The following FHOD1 variants were observed in gnomAD, a reference collection of about 807,000 sequenced individuals.
FHOD1 encodes the protein FH1/FH2 domain-containing protein 1.
FHOD1 carries 89 observed loss-of-function variants against 111.6 expected under a neutral mutation model. The ratio of observed to expected loss-of-function variants is 0.80; its 90% confidence interval spans 0.67 to 0.95. The LOEUF (loss-of-function observed/expected upper bound fraction) is 0.95, where lower values mean the gene tolerates loss of function less well. FHOD1 is among the 40% of genes least tolerant of loss of function. FHOD1 has a pLI of 0.00. For missense variants in FHOD1, 1,446 were observed against 1,554.2 expected (o/e 0.93, Z 1.17); for synonymous variants, 618 against 639.0 (o/e 0.97, Z 0.50).
chr16:67,247,031 C>G, intron 1 of FHOD1, 179 bp downstream of exon 1: 1 of 686,644 alleles, frequency 1.5e-6, no homozygotes. Context: ...TCAGTTTCCC[C>G]TCAACTTGAG....
chr16:67,242,453 A>G (rs1028209449), intron 1 of FHOD1, among the ~76,000 whole-genome samples: 3 of 152,172 alleles, frequency 2.0e-5, no homozygotes, highest in Admixed American at 6.5e-5. Flanking sequence ...GCAAGCAGCA[A>G]AGAGCAGGAG....
chr16:67,237,243 T>C lies in FHOD1; in HGVS notation c.989A>G (p.Tyr330Cys). 4 of 1,613,354 alleles carry C rather than the reference T, an allele frequency of 2.5e-6. No individual in the cohort carries two copies. Among genetic ancestry groups the C allele is most frequent in the Non-Finnish European group, 3.4e-6 (4 of 1,179,604 alleles). ...AGAGCGTAAGGCCCGGCCCACCTCG[T>C]AGAGCACAAGCTGCGTGCGCAGGTC... ...DVDLRTQLVLYENALKLEDGD... is the reference protein window; with the variant it reads ...DVDLRTQLVLCENALKLEDGD... The change falls in exon 9 of 22, where the codon TAC becomes TGC. Residue 330 changes from tyrosine to cysteine, a missense_variant. By Grantham distance (194) the Tyr-to-Cys change is radical. Around this residue, in one of 3 missense-constraint regions of FHOD1, gnomAD observed 234 missense variants for 327.4 expected, o/e 0.71. Transcript: ENST00000258201. This position sits in a 1 kb window ranked among gnomAD's most constrained non-coding sequence, Gnocchi z 5.6.
Position 67,232,153 on chromosome 16 carries a change from G to T in FHOD1, c.2088C>A (p.Asp696Glu). 6.2e-7 allele frequency: 1 copy of T among 1,614,178 alleles called. No homozygotes were observed. The highest frequency in any genetic ancestry group is 8.5e-7 in the Non-Finnish European group (1 of 1,180,042). Residue 696 changes from aspartate (D) to glutamate (E), a missense_variant, in exon 14 of 22, where the codon GAC (aspartate) becomes GAA (glutamate). Asp to Glu is a conservative substitution (Grantham distance 45). Coordinates refer to ENST00000258201, the MANE Select transcript of FHOD1 (RefSeq NM_013241.3). ...TGTTGATGGCGTTGCTGCGCTTGGG[G>T]TCCAGCACTGTGGTCATTGTCCGGC... ...EGRRTMTTVL[D>E]PKRSNAINIG...
In FHOD1 at chr16:67,231,972, G is replaced by C; in HGVS notation, c.2202+67C>G. 1 of 1,591,336 alleles carries C rather than the reference G, an allele frequency of 6.3e-7. No individual in the cohort carries two copies. Among genetic ancestry groups the C allele is most frequent in the Non-Finnish European group, 8.6e-7 (1 of 1,166,578 alleles). On this transcript the variant is annotated intron_variant, in intron 14 of 21. Transcript: ENST00000258201. This position sits in a 1 kb window ranked among gnomAD's most constrained non-coding sequence, Gnocchi z 4.3. ...GCCCATGCCCACCACCAGAGGGACA[G>C]GAAATGCCCACCTACCAAAGGAGAA... is the stretch of plus-strand genomic sequence containing the variant.
chr16:67,242,629 G>A (rs1451127233), intron 1 of FHOD1, among the ~76,000 whole-genome samples: 1 of 152,164 alleles, frequency 6.6e-6, no homozygotes, highest in Non-Finnish European at 1.5e-5. Context: ...AGCTCAGCAC[G>A]TAGTATGGGC....
In FHOD1 at chr16:67,238,134, G is replaced by T; in HGVS notation, c.548-6C>A. 2 of 1,614,126 alleles carry T rather than the reference G, an allele frequency of 1.2e-6. No homozygotes were observed. Among genetic ancestry groups the T allele is most frequent in the Non-Finnish European group, 1.7e-6 (2 of 1,179,954 alleles). ...GAGCATCAGCTGGCCGAGCGCTGGGGAAACAGGGATGGGCAGAGTCAGCGA... is the reference window on the plus strand; with the variant it reads ...GAGCATCAGCTGGCCGAGCGCTGGGTAAACAGGGATGGGCAGAGTCAGCGA... On this transcript the variant is annotated splice_region_variant and splice_polypyrimidine_tract_variant and intron_variant, in intron 5 of 21. Transcript: ENST00000258201. This position sits in a 1 kb window ranked among gnomAD's most constrained non-coding sequence, Gnocchi z 4.2.
At chr16:67,239,533 C>T in intron 1 of FHOD1, 79 bp from the exon 2 acceptor site, 1 of 1,005,290 alleles carries the variant, frequency 9.9e-7, no homozygotes, top group Non-Finnish European at 1.6e-6. Flanking sequence ...CTCTTACCTA[C>T]CACTTGAAGG....
chr16:67,233,915 G>C lies in FHOD1; in HGVS notation c.1788C>G (p.Gly596=), dbSNP rs1044836079. 1.1e-5 allele frequency: 14 copies of C among 1,320,270 alleles called. No homozygotes were observed. The highest frequency in any genetic ancestry group is 1.4e-5 in the Non-Finnish European group (14 of 977,166). The allele number at this position is 1,320,270 out of a possible 1,614,324, so 81.8% of individuals were successfully genotyped here. A position where few individuals can be genotyped will look rare whatever the true frequency, so the allele number is the denominator to read the frequency against. The change falls in exon 13 of 22, where the codon GGC becomes GGG. Residue 596 remains glycine, a synonymous_variant. Transcript: ENST00000258201. ...PPLPPPPPIK[G]PFPPPPPLPL... ...GTAGAGGTGGAGGTGGTGGGAAGGG[G>C]CCTTTGATGGGTGGGGGAGGTGGAA...
At chr16:67,236,298 G>T in intron 11 of FHOD1, 1 of 1,114,162 alleles carries the variant, frequency 9.0e-7, no homozygotes, top group Non-Finnish European at 1.2e-6. Flanking sequence ...ACAGATAGTG[G>T]GCGGGAGACA....
Position 67,247,301 on chromosome 16 carries a change from G to A in FHOD1, c.110C>T (p.Pro37Leu). 1.2e-6 allele frequency: 2 copies of A among 1,613,362 alleles called. No homozygotes were observed. Among genetic ancestry groups the A allele is most frequent in the Non-Finnish European group, 1.7e-6 (2 of 1,179,778 alleles). ...CAGGCTGCAGGTGGGGGCCCGGCGC[G>A]GCTCCGGAAAGTTGGCACATGCGAA... is the stretch of plus-strand genomic sequence containing the variant. ...DPFACANFPEPRRAPTCSLDG... is the reference protein window; with the variant it reads ...DPFACANFPELRRAPTCSLDG... The change falls in exon 1 of 22, where the codon CCG becomes CTG. Residue 37 changes from proline to leucine, a missense_variant. Pro to Leu is a moderately conservative substitution (Grantham distance 98). Around this residue, in one of 3 missense-constraint regions of FHOD1, gnomAD observed 127 missense variants for 118.0 expected, o/e 1.08. Transcript: ENST00000258201.
In FHOD1 at chr16:67,237,056, C is replaced by G; in HGVS notation, c.1052G>C (p.Arg351Pro). The G allele has an allele frequency of 6.2e-7, 1 of 1,613,248 alleles. No individual in the cohort carries two copies. The highest frequency in any genetic ancestry group is 8.5e-7 in the Non-Finnish European group (1 of 1,179,806). The change falls in exon 10 of 22, where the codon CGG (arginine) becomes CCG (proline). Residue 351 changes from arginine (R) to proline (P), a missense_variant. Around this residue, in one of 3 missense-constraint regions of FHOD1, gnomAD observed 1,085 missense variants for 1,108.8 expected, o/e 0.98. Coordinates refer to ENST00000258201, the MANE Select transcript of FHOD1 (RefSeq NM_013241.3). This position sits in a 1 kb window ranked among gnomAD's most constrained non-coding sequence, Gnocchi z 5.6. ...CTCAGAAGAAGGCTTTCGTCGTTCCCGCCGCCCACCAGCGCCTGGGGCTTC... is the reference window on the plus strand; with the variant it reads ...CTCAGAAGAAGGCTTTCGTCGTTCCGGCCGCCCACCAGCGCCTGGGGCTTC... ...IEEAPGAGGR[R>P]ERRKPSSEEG...
At chr16:67,247,134 G>C in intron 1 of FHOD1, 76 bp downstream of exon 1, 6 of 1,406,552 alleles carry the variant, frequency 4.3e-6, no homozygotes, top group Non-Finnish European at 5.6e-6. Context: ...CTCTTCCCGC[G>C]GAGCACCTCC....
chr16:67,233,989 G>A lies in FHOD1; in HGVS notation c.1714C>T (p.Pro572Ser). The change falls in exon 13 of 22, where the codon CCC becomes TCC. Residue 572 changes from proline (P) to serine (S), a missense_variant. Physicochemically the swap from Pro to Ser is moderately conservative, Grantham distance 74. Transcript: ENST00000258201. ...GAGAGCAGGGGCAGTGGGGGTGAGGGAGCTGGGATGTCTTTCCCAGCCTCC... is the reference window on the plus strand; with the variant it reads ...GAGAGCAGGGGCAGTGGGGGTGAGGAAGCTGGGATGTCTTTCCCAGCCTCC... The part of the protein sequence containing the change: ...SVEAGKDIPA[P>S]SPPLPLLSGV... 6.2e-7 allele frequency: 1 copy of A among 1,612,290 alleles called. No homozygotes were observed. The highest frequency in any genetic ancestry group is 8.5e-7 in the Non-Finnish European group (1 of 1,179,862).
At chr16:67,244,596 G>T (rs774110774) in intron 1 of FHOD1, among the ~76,000 whole-genome samples, 1 of 152,196 alleles carries the variant, frequency 6.6e-6, no homozygotes, top group African/African-American at 2.4e-5. Context: ...GGGAACTCTA[G>T]GGGCTAGGCT....
chr16:67,239,787 TCTC>T (rs1185526249), intron 1 of FHOD1, among the ~76,000 whole-genome samples: 1 of 152,176 alleles, frequency 6.6e-6, no homozygotes, highest in African/African-American at 2.4e-5. Flanking sequence ...GAGCCACTGG[TCTC>T]CTCTAGCTGC....
intron 1 of FHOD1, among the ~76,000 whole-genome samples, chr16:67,246,514 T>G (rs1468878629): frequency 6.6e-6 from 1 of 151,910 alleles, no homozygotes; most frequent in Non-Finnish European, 1.5e-5. Flanking sequence ...GCCGGCTGTT[T>G]AAAATTAGTC....
intron 1 of FHOD1, among the ~76,000 whole-genome samples, chr16:67,241,645 GA>G: frequency 6.6e-6 from 1 of 152,358 alleles, no homozygotes; most frequent in East Asian, 1.9e-4. Flanking sequence ...GGGCAGACGG[GA>G]AGACAGACAG....
chr16:67,242,021 T>C (rs2034682183), intron 1 of FHOD1, among the ~76,000 whole-genome samples: 4 of 151,804 alleles, frequency 2.6e-5, no homozygotes, highest in South Asian at 4.2e-4. Context: ...CAAGTTGGAG[T>C]GTAGTGGCAC....
At chr16:67,244,046 T>G (rs1213232879) in intron 1 of FHOD1, among the ~76,000 whole-genome samples, 2 of 152,074 alleles carry the variant, frequency 1.3e-5, no homozygotes, top group African/African-American at 4.8e-5. Flanking sequence ...TCAGGAAACA[T>G]TCCAGGACAG....
Sources: allele counts gnomAD v4.1 joint callset (sites outside exome capture counted in the v4.1 genomes callset), GRCh38; gene constraint gnomAD v4.1.1; regional missense constraint gnomAD v4.1.1; non-coding constraint Gnocchi (gnomAD v3.1); transcripts MANE v1.5; gene names NCBI Gene and HGNC (gene_info 2026-07-23, HGNC 2026-07-21).